Variants in ZNF254 observed in about 807,000 individuals in gnomAD.
ZNF254 encodes the protein zinc finger protein 254.
A neutral mutation model predicts 12.4 loss-of-function variants in ZNF254; 10 were observed. The observed-to-expected ratio is 0.80, with a 90% CI of 0.50 to 1.36. ZNF254 has a LOEUF of 1.36. Among genes scored for constraint, ZNF254 ranks in the 40% most tolerant of loss-of-function variants. The probability of loss-of-function intolerance (pLI) is 0.00; values close to 1 mark genes in which losing one functional copy is unlikely to be tolerated. For missense variants in ZNF254, 996 were observed against 763.9 expected (o/e 1.30, Z -3.58); for synonymous variants, 305 against 253.4 (o/e 1.20, Z -1.93).
At position 24,126,857 on chromosome 19, in the gene ZNF254, T is replaced by G. The variant is rs1358518485; in HGVS notation, c.857T>G (p.Ile286Arg). 2 of 1,613,428 alleles carry G rather than the reference T, an allele frequency of 1.2e-6. No homozygotes were observed. The highest frequency in any genetic ancestry group is 1.3e-5 in the African/African-American group (1 of 75,004). ...TCCTCAAATCTTACTACACATAAGA[T>G]AATTCATACTGGAGAGAAACCTTAC... ...NRSSNLTTHK[I>R]IHTGEKPYKC... The change falls in exon 4 of 4, where the codon ATA becomes AGA. Residue 286 changes from isoleucine to arginine, a missense_variant. Coordinates refer to ENST00000357002, the MANE Select transcript of ZNF254 (RefSeq NM_203282.4).
intron 1 of ZNF254, 111 bp from the exon 2 acceptor site, chr19:24,105,829 C>T (rs1599720906): frequency 6.9e-7 from 1 of 1,450,688 alleles, no homozygotes; most frequent in East Asian, 2.6e-5. Flanking sequence ...TAATTTCAAT[C>T]ACTCTTATAA....
intron 3 of ZNF254, among the ~76,000 whole-genome samples, chr19:24,118,617 T>A (rs200312513): frequency 6.6e-6 from 1 of 151,812 alleles, no homozygotes; most frequent in East Asian, 1.9e-4. Context: ...TCCTATCACA[T>A]GTGATTTGTA....
At chr19:24,048,446 C>T (rs1274716640) in intron 2 of ZNF254, among the ~76,000 whole-genome samples, 2 of 152,192 alleles carry the variant, frequency 1.3e-5, no homozygotes, top group Admixed American at 6.5e-5. Context: ...GACTTGGTCG[C>T]CAGCTTAAAA....
Position 24,090,629 on chromosome 19 carries a change from G to A in ZNF254, c.30+3292G>A, listed in dbSNP as rs189304324. Among the ~76,000 whole-genome samples the A allele has an allele frequency of 3.9e-4, 60 of 152,248 alleles. No individual in the cohort carries two copies. The East Asian group carries it at 9.3e-3, about 24-fold the overall frequency. On this transcript the variant is annotated intron_variant, in intron 1 of 3. Coordinates refer to ENST00000357002, the MANE Select transcript of ZNF254 (RefSeq NM_203282.4). ...TTTCTGTAGTTTTAGTAGAGACAGA[G>A]TTTCACCATGTTAGCTAGGCTGTTC...
chr19:24,064,457 T>C (rs67110930), intron 2 of ZNF254: 22,582 of 152,132 alleles, frequency 0.15, 1,941 homozygotes, highest in Middle Eastern at 0.23. Context: ...TGCATTTGGG[T>C]GCATCCAGCA....
chr19:24,107,076 G>T, intron 3 of ZNF254: 1 of 445,938 alleles, frequency 2.2e-6, no homozygotes, highest in Admixed American at 4.2e-5. Flanking sequence ...TTATTTTTCT[G>T]CACATTTCAT....
At chr19:24,081,934 C>G (rs950084362) in intron 2 of ZNF254, among the ~76,000 whole-genome samples, 3 of 152,236 alleles carry the variant, frequency 2.0e-5, no homozygotes, top group African/African-American at 4.8e-5. Flanking sequence ...ACCAGCCTGG[C>G]TAACATGGCG....
chr19:24,033,524 C>A, exon 1 of ZNF254: 1 of 238,800 alleles, frequency 4.2e-6, no homozygotes, highest in Non-Finnish European at 8.6e-6. Context: ...ACCTCGGGAG[C>A]CCCTGGGGAC....
At position 24,117,267 on chromosome 19, in the gene ZNF254, G is replaced by A; in HGVS notation, c.254-8987G>A. ...ATTTAAGTCTGCAGAGGTTACTGCTGTCTTGTTTGTCTGTGCCCTGCCCCC... is the reference window on the plus strand; with the variant it reads ...ATTTAAGTCTGCAGAGGTTACTGCTATCTTGTTTGTCTGTGCCCTGCCCCC... On this transcript the variant is annotated intron_variant, in intron 3 of 3. Transcript: ENST00000357002. 5.3e-5 allele frequency among the ~76,000 whole-genome samples: 8 copies of A among 152,242 alleles called. 1 individual carries two copies. The Middle Eastern group carries it at 0.027, about 518-fold the overall frequency.
upstream of ZNF254, among the ~76,000 whole-genome samples, chr19:24,083,293 A>C (rs1183355606): frequency 6.6e-6 from 1 of 152,192 alleles, no homozygotes; most frequent in East Asian, 1.9e-4. Flanking sequence ...AAAACTGTAA[A>C]ATATGTCTGA....
chr19:24,127,463 A>T lies in ZNF254; in HGVS notation c.1463A>T (p.Lys488Ile). Residue 488 changes from lysine to isoleucine, a missense_variant, in exon 4 of 4, where the codon AAA (lysine) becomes ATA (isoleucine). Transcript: ENST00000357002. ...CATAAGAGGATGCACACTGGAGAGA[A>T]ACCCTACAAATGTGAAGAATGTGGC... ...TRHKRMHTGEKPYKCEECGKS... is the reference protein window; with the variant it reads ...TRHKRMHTGEIPYKCEECGKS... 1 of 1,613,562 alleles carries T rather than the reference A, an allele frequency of 6.2e-7. No individual in the cohort carries two copies. Among genetic ancestry groups the T allele is most frequent in the Non-Finnish European group, 8.5e-7 (1 of 1,179,774 alleles).
chr19:24,123,445 C>T (rs180811822), intron 3 of ZNF254, among the ~76,000 whole-genome samples: 19 of 152,272 alleles, frequency 1.2e-4, no homozygotes, highest in Admixed American at 1.2e-3. Flanking sequence ...TTTAAGTAGT[C>T]TGTTCCCTTA....
rs1443973890 is a variant in ZNF254 at position 24,126,637 on chromosome 19, A to G, written c.637A>G (p.Lys213Glu). Residue 213 changes from lysine to glutamate, a missense_variant, in exon 4 of 4, where the codon AAA becomes GAA. By Grantham distance (56) the Lys-to-Glu change is moderately conservative (BLOSUM62 1). Transcript: ENST00000357002. ...TCATAGAGAGAAGTCCTACAAATGT[A>G]AAGAATGTGGAAAAACCTTTAATTG... ...IYHREKSYKC[K>E]ECGKTFNWSS... The G allele has an allele frequency of 6.2e-7, 1 of 1,611,070 alleles. No homozygotes were observed. Among genetic ancestry groups the G allele is most frequent in the Admixed American group, 1.7e-5 (1 of 59,394 alleles).
chr19:24,108,884 G>A (rs1013451636), intron 3 of ZNF254, among the ~76,000 whole-genome samples: 5 of 152,202 alleles, frequency 3.3e-5, no homozygotes, highest in Admixed American at 6.5e-5. Context: ...AGCCAGGCGC[G>A]GTGGCTCACG....
chr19:24,118,538 C>G (rs992837237), intron 3 of ZNF254, among the ~76,000 whole-genome samples: 1 of 151,670 alleles, frequency 6.6e-6, no homozygotes, highest in Non-Finnish European at 1.5e-5. Flanking sequence ...CAATTATTTT[C>G]CTATTTGTAA....
chr19:24,051,598 T>C (rs954202311), intron 2 of ZNF254, among the ~76,000 whole-genome samples: 4 of 147,806 alleles, frequency 2.7e-5, no homozygotes, highest in African/African-American at 7.3e-5. Flanking sequence ...AGAACCTAGA[T>C]GAGGTGACTC....
intron 2 of ZNF254, chr19:24,080,115 C>T (rs1325316979): frequency 1.3e-5 from 2 of 152,156 alleles, no homozygotes; most frequent in African/African-American, 4.8e-5. Flanking sequence ...TCTGGAACAG[C>T]TTTGGATATG....
intron 2 of ZNF254, among the ~76,000 whole-genome samples, chr19:24,051,351 A>T (rs1324937944): frequency 6.6e-6 from 1 of 150,984 alleles, no homozygotes; most frequent in Non-Finnish European, 1.5e-5. Flanking sequence ...GTAGAGATGA[A>T]GTTTCACCAT....
In ZNF254 at chr19:24,126,856, A is replaced by T. The variant is rs772204665; in HGVS notation, c.856A>T (p.Ile286Leu). 1 of 1,613,590 alleles carries T rather than the reference A, an allele frequency of 6.2e-7. No individual in the cohort carries two copies. The highest frequency in any genetic ancestry group is 2.2e-5 in the East Asian group (1 of 44,830). ...ATCCTCAAATCTTACTACACATAAG[A>T]TAATTCATACTGGAGAGAAACCTTA... ...NRSSNLTTHK[I>L]IHTGEKPYKC... Residue 286 changes from isoleucine to leucine, a missense_variant, in exon 4 of 4, where the codon ATA (isoleucine) becomes TTA (leucine). By Grantham distance (5) the Ile-to-Leu change is conservative. Transcript: ENST00000357002.
Sources: gnomAD v4.1 joint callset for allele counts (sites outside exome capture counted in the v4.1 genomes callset) on GRCh38, gnomAD v4.1.1 for gene constraint, MANE v1.5 for transcripts, NCBI Gene and HGNC (gene_info 2026-07-23, HGNC 2026-07-21) for gene names.